Variants in ROBO1 observed in about 807,000 individuals in gnomAD.
ROBO1 encodes the protein roundabout homolog 1.
Under a neutral mutation model 195.9 loss-of-function variants are expected in ROBO1, and 149 were observed. That is an observed-to-expected ratio of 0.76 (90% CI 0.67 to 0.87). ROBO1 has a LOEUF of 0.87. ROBO1 is among the 40% of genes least tolerant of loss of function. The probability of loss-of-function intolerance (pLI) is 0.00; values close to 1 mark genes in which losing one functional copy is unlikely to be tolerated. For synonymous variants in ROBO1, 816 were observed against 733.2 expected, an observed-to-expected ratio of 1.11 and a Z score of -1.82; for missense variants, 1,933 against 2,068.3, an observed-to-expected ratio of 0.93 and a Z score of 1.27.
chr3:78,719,251 T>C (rs2108089995), intron 5 of ROBO1, among the ~76,000 whole-genome samples: 1 of 152,272 alleles, frequency 6.6e-6, no homozygotes, highest in Admixed American at 6.5e-5. Flanking sequence ...CTCCAAATAC[T>C]GTTGTTGAAC....
intron 1 of ROBO1, among the ~76,000 whole-genome samples, chr3:79,688,486 A>AG (rs1456498494): frequency 1.3e-5 from 2 of 152,030 alleles, no homozygotes; most frequent in African/African-American, 4.8e-5. Context: ...TACTTTGACT[A>AG]TTTTTTGCCA....
At chr3:79,618,152 A>C (rs1320263646) in intron 1 of ROBO1, among the ~76,000 whole-genome samples, 2 of 152,106 alleles carry the variant, frequency 1.3e-5, no homozygotes, top group Non-Finnish European at 2.9e-5. Flanking sequence ...AACCTATGAG[A>C]TATATGCATT....
chr3:78,723,202 G>C (rs2082083612), intron 5 of ROBO1, among the ~76,000 whole-genome samples: 2 of 152,072 alleles, frequency 1.3e-5, no homozygotes, highest in African/African-American at 4.8e-5. Context: ...TCTACATTTA[G>C]ATAGATTTAG....
At chr3:78,985,622 A>G (rs2077089012) in intron 3 of ROBO1, among the ~76,000 whole-genome samples, 2 of 152,144 alleles carry the variant, frequency 1.3e-5, no homozygotes, top group Non-Finnish European at 2.9e-5. Flanking sequence ...TGTAATGTAC[A>G]TTACAGGCTA....
chr3:79,013,379 A>T (rs976561261), intron 3 of ROBO1, among the ~76,000 whole-genome samples: 4 of 152,226 alleles, frequency 2.6e-5, no homozygotes, highest in Middle Eastern at 3.2e-3. Flanking sequence ...GAAAATGCAG[A>T]TATAATCAAG....
intron 5 of ROBO1, among the ~76,000 whole-genome samples, chr3:78,722,855 C>T (rs1186432491): frequency 6.6e-6 from 1 of 151,940 alleles, no homozygotes; most frequent in African/African-American, 2.4e-5. Context: ...AAATGGGAAT[C>T]CTATTAATAT....
At chr3:79,226,404 C>T (rs1295069196) in intron 2 of ROBO1, among the ~76,000 whole-genome samples, 1 of 152,140 alleles carries the variant, frequency 6.6e-6, no homozygotes, top group East Asian at 1.9e-4. Flanking sequence ...TAACGGCACA[C>T]CAAGTCTTCT....
At chr3:78,639,231 T>A (rs1705764920) in intron 22 of ROBO1, among the ~76,000 whole-genome samples, 1 of 151,874 alleles carries the variant, frequency 6.6e-6, no homozygotes, top group Non-Finnish European at 1.5e-5. Flanking sequence ...CCGAGGTGAA[T>A]GGATCACGTG....
intron 5 of ROBO1, among the ~76,000 whole-genome samples, chr3:78,728,201 G>A (rs891407144): frequency 3.3e-5 from 5 of 152,076 alleles, no homozygotes; most frequent in African/African-American, 1.2e-4. Context: ...AGAGAAAGGG[G>A]AAGGAGGAGG....
At chr3:79,571,340 T>C (rs565234658) in intron 2 of ROBO1, among the ~76,000 whole-genome samples, 2 of 152,108 alleles carry the variant, frequency 1.3e-5, no homozygotes, top group African/African-American at 4.8e-5. Flanking sequence ...CACTAAGTTA[T>C]ATGAGACTTG....
At chr3:79,097,503 A>G (rs1455828) in intron 3 of ROBO1, among the ~76,000 whole-genome samples, 151,527 of 151,898 alleles carry the variant, frequency 1, 75,581 homozygotes, top group Non-Finnish European at 1. Context: ...ATTGTGTGAT[A>G]TGTGGTGTTT....
In ROBO1 at chr3:78,635,763, G is replaced by A. The variant is rs777644894; in HGVS notation, c.3373+10C>T. ...CAGAAACAGATGGGAATACATGCAA[G>A]CCTCTTCACCTTTGTTCAGCTTGTT... On this transcript the variant is annotated intron_variant, in intron 23 of 30. Transcript: ENST00000464233. 1.9e-6 allele frequency: 3 copies of A among 1,610,156 alleles called. No individual in the cohort carries two copies. The highest frequency in any genetic ancestry group is 1.7e-5 in the Admixed American group (1 of 59,898).
intron 3 of ROBO1, among the ~76,000 whole-genome samples, chr3:79,088,667 T>C (rs1257940015): frequency 6.6e-6 from 1 of 152,136 alleles, no homozygotes; most frequent in African/African-American, 2.4e-5. Context: ...TAAGTAAGAC[T>C]AGTGATATTT....
chr3:79,344,384 C>G (rs1465551542), intron 2 of ROBO1, among the ~76,000 whole-genome samples: 1 of 152,018 alleles, frequency 6.6e-6, no homozygotes, highest in East Asian at 1.9e-4. Flanking sequence ...CAAAAGAGAC[C>G]CTTCACCTCT....
chr3:79,058,067 A>T (rs1231502479), intron 3 of ROBO1, among the ~76,000 whole-genome samples: 1 of 152,028 alleles, frequency 6.6e-6, no homozygotes, highest in Non-Finnish European at 1.5e-5. Context: ...CCTTTAAGAA[A>T]AATGAAAGGG....
In ROBO1 at chr3:78,938,730, T is replaced by G; in HGVS notation, c.370A>C (p.Ser124Arg). ...DPRSHRMLLP[S>R]GSLFFLRIVH... ...ATACGTAAGAAAAATAAAGATCCACTCGGCAGCAACATTCGGTGTGAGCGA... is the reference window on the plus strand; with the variant it reads ...ATACGTAAGAAAAATAAAGATCCACGCGGCAGCAACATTCGGTGTGAGCGA... Residue 124 changes from serine to arginine, a missense_variant, in exon 4 of 31, where the codon AGT becomes CGT. Coordinates refer to ENST00000464233, the MANE Select transcript of ROBO1 (RefSeq NM_002941.4). 6.2e-7 allele frequency: 1 copy of G among 1,613,970 alleles called. No homozygotes were observed. The highest frequency in any genetic ancestry group is 1.1e-5 in the South Asian group (1 of 91,084).
rs1458275943 is a variant in ROBO1 at position 79,125,490 on chromosome 3, G to A, written c.138C>T (p.Thr46=). ...RGNDHGTPIP[T]SDNDDNSLGY... ...CCAGCGAATTGTCATCGTTATCAGAGGTGGGGATTGGCGTCCCGTGGTCGT... is the reference window on the plus strand; with the variant it reads ...CCAGCGAATTGTCATCGTTATCAGAAGTGGGGATTGGCGTCCCGTGGTCGT... Residue 46 remains threonine (T), a synonymous_variant, in exon 3 of 31, where the codon ACC becomes ACT. Transcript: ENST00000464233. 1 of 1,613,686 alleles carries A rather than the reference G, an allele frequency of 6.2e-7. No individual in the cohort carries two copies. Among genetic ancestry groups the A allele is most frequent in the East Asian group, 2.2e-5 (1 of 44,836 alleles).
intron 2 of ROBO1, among the ~76,000 whole-genome samples, chr3:79,366,332 T>C (rs2035975355): frequency 6.6e-6 from 1 of 152,204 alleles, no homozygotes; most frequent in African/African-American, 2.4e-5. Context: ...ATAGTTTTTC[T>C]TAAACTCAAT....
At chr3:78,899,303 T>C (rs1296522295) in intron 4 of ROBO1, among the ~76,000 whole-genome samples, 1 of 152,140 alleles carries the variant, frequency 6.6e-6, no homozygotes, top group African/African-American at 2.4e-5. Flanking sequence ...GCCATTAAAA[T>C]TGTGGGGAAA....
Sources: allele counts gnomAD v4.1 joint callset (sites outside exome capture counted in the v4.1 genomes callset), GRCh38; gene constraint gnomAD v4.1.1; transcripts MANE v1.5; gene names NCBI Gene and HGNC (gene_info 2026-07-23, HGNC 2026-07-21).